SLC23A2: variants seen among roughly 807,000 people sequenced by gnomAD.
The protein encoded by SLC23A2 is solute carrier family 23 member 2, also known as Na(+)/L-ascorbic acid transporter 2.
Under a neutral mutation model 73.3 loss-of-function variants are expected in SLC23A2, and 36 were observed. The ratio of observed to expected loss-of-function variants is 0.49; its 90% CI spans 0.38 to 0.65. The LOEUF (loss-of-function observed/expected upper bound fraction) is 0.65, where lower values mean the gene tolerates loss of function less well. Ranked by LOEUF, SLC23A2 falls within the 30% of genes least tolerant of loss-of-function variation. SLC23A2 has a pLI of 0.00. For synonymous variants in SLC23A2, 343 were observed against 327.3 expected, an observed-to-expected ratio of 1.05 and a Z score of -0.52; for missense variants, 507 against 841.6, an observed-to-expected ratio of 0.60 and a Z score of 4.92.
chr20:4,866,019 G>T (rs1930181487), intron 13 of SLC23A2, among the ~76,000 whole-genome samples: 1 of 152,010 alleles, frequency 6.6e-6, no homozygotes, highest in African/African-American at 2.4e-5. Context: ...TTTTAGTGGA[G>T]ACAGGGGTTC....
intron 1 of SLC23A2, among the ~76,000 whole-genome samples, chr20:4,972,058 C>T (rs1451692132): frequency 6.6e-6 from 1 of 152,092 alleles, no homozygotes; most frequent in Non-Finnish European, 1.5e-5. Context: ...CACTCTTGTA[C>T]CTATGCATAT....
At chr20:4,988,339 C>T (rs765014365) in intron 1 of SLC23A2, among the ~76,000 whole-genome samples, 4 of 136,916 alleles carry the variant, frequency 2.9e-5, no homozygotes, top group Non-Finnish European at 4.6e-5. Flanking sequence ...TGGTGGCTCA[C>T]GCCTGTAATC....
chr20:4,894,588 G>A (rs1293348520), intron 6 of SLC23A2, among the ~76,000 whole-genome samples: 3 of 152,218 alleles, frequency 2.0e-5, no homozygotes. Context: ...TCCCAAGCCA[G>A]CAGGGAGGGG....
chr20:4,854,788 C>T lies in SLC23A2; in HGVS notation c.*2184G>A, dbSNP rs1165263136. On this transcript the variant is annotated 3_prime_UTR_variant, in exon 17 of 17. Coordinates refer to ENST00000338244, the MANE Select transcript of SLC23A2 (RefSeq NM_005116.6). Reference sequence around the variant, plus strand: ...ATGCAGCGGAAGACGCCCAGTCAAGCTGAAGAGAAGGTGCCCCTGGATCAC... The same window carrying T: ...ATGCAGCGGAAGACGCCCAGTCAAGTTGAAGAGAAGGTGCCCCTGGATCAC... 6.6e-6 allele frequency: 1 copy of T among 152,200 alleles called. No individual in the cohort carries two copies. Among genetic ancestry groups the T allele is most frequent in the Non-Finnish European group, 1.5e-5 (1 of 68,038 alleles). 9.4% of individuals were successfully genotyped at this position (152,200 alleles called of 1,614,324 possible). A position where few individuals can be genotyped will look rare whatever the true frequency, so the allele number is the denominator to read the frequency against.
At chr20:4,961,272 G>A (rs565099244) in intron 2 of SLC23A2, among the ~76,000 whole-genome samples, 33 of 151,996 alleles carry the variant, frequency 2.2e-4, no homozygotes, top group South Asian at 1.0e-3. Context: ...TAGTAGAGAC[G>A]GGGTTTCACC....
chr20:4,869,023 G>T (rs1250352297), intron 12 of SLC23A2: 1 of 152,216 alleles, frequency 6.6e-6, no homozygotes, highest in African/African-American at 2.4e-5. Flanking sequence ...CTGCTGCTAA[G>T]GTTTCCACTA....
At position 4,899,539 on chromosome 20, in the gene SLC23A2, A is replaced by G. The variant is rs1465831516; in HGVS notation, c.482+16T>C. 1.9e-6 allele frequency: 3 copies of G among 1,613,550 alleles called. No homozygotes were observed. The highest frequency in any genetic ancestry group is 4.5e-5 in the East Asian group (2 of 44,858). ...TCTGGGGGCTTTGGCATCCCCCATT[A>G]GTACCCCAATCTCACCTGCATCCAA... On this transcript the variant is annotated intron_variant, in intron 6 of 16. Transcript: ENST00000338244. The surrounding 1 kb of genome is among the most constrained non-coding windows in gnomAD (Gnocchi z 4.9).
At chr20:4,874,135 A>G (rs1243543224) in intron 10 of SLC23A2, 43 bp from the exon 11 acceptor site, 1 of 1,585,290 alleles carries the variant, frequency 6.3e-7, no homozygotes, top group South Asian at 1.1e-5. Flanking sequence ...AGCAGGGCTC[A>G]CAGGTGTTGG....
intron 3 of SLC23A2, among the ~76,000 whole-genome samples, chr20:4,920,470 A>G (rs994315302): frequency 2.0e-5 from 3 of 152,194 alleles, no homozygotes; most frequent in African/African-American, 7.2e-5. Flanking sequence ...CTATCCTTCA[A>G]TTACACCTGA....
chr20:4,958,281 C>G (rs1006877825), intron 2 of SLC23A2, among the ~76,000 whole-genome samples: 1 of 152,212 alleles, frequency 6.6e-6, no homozygotes, highest in Non-Finnish European at 1.5e-5. Context: ...AATAAGATTG[C>G]TGCCCTACTC....
rs534101402 is a variant in SLC23A2, at chr20:4,997,052, C to T, written c.-282+4354G>A. ...TTTCTAGGTGCTAAGACCAGAACCT[C>T]GGAGTCCTCCTCAGTTTTCTTTCTG... On this transcript the variant is annotated intron_variant, in intron 1 of 16. Transcript: ENST00000338244. Among the ~76,000 whole-genome samples the T allele has an allele frequency of 2.6e-5, 4 of 152,278 alleles. No individual in the cohort carries two copies. The East Asian group carries it at 5.8e-4, about 22-fold the overall frequency.
chr20:4,860,405 T>A (rs1316133100), intron 15 of SLC23A2, among the ~76,000 whole-genome samples: 1 of 152,222 alleles, frequency 6.6e-6, no homozygotes, highest in Non-Finnish European at 1.5e-5. Context: ...TGTCATACCG[T>A]GTGCTTTCCG....
chr20:4,884,920 T>C, intron 7 of SLC23A2, 97 bp from the exon 8 acceptor site: 1 of 684,630 alleles, frequency 1.5e-6, no homozygotes, highest in Non-Finnish European at 2.4e-6. Flanking sequence ...CCTGTTTTTA[T>C]TACATCTGTT....
chr20:4,910,009 G>A (rs1361913419), intron 4 of SLC23A2, among the ~76,000 whole-genome samples: 1 of 152,220 alleles, frequency 6.6e-6, no homozygotes, highest in African/African-American at 2.4e-5. Flanking sequence ...CACATCCAGT[G>A]CAGGCTCTTT....
intron 2 of SLC23A2, among the ~76,000 whole-genome samples, chr20:4,938,030 C>CTT (rs372042944): frequency 2.2e-4 from 31 of 138,260 alleles, no homozygotes; most frequent in African/African-American, 6.2e-4. Context: ...CTCATTCCAT[C>CTT]TTTTTTTTTT....
intron 2 of SLC23A2, among the ~76,000 whole-genome samples, chr20:4,951,886 T>C (rs894448245): frequency 2.6e-5 from 4 of 151,890 alleles, no homozygotes; most frequent in Non-Finnish European, 5.9e-5. Flanking sequence ...GACGATCACC[T>C]AAGGTCAGGA....
chr20:4,925,559 C>T (rs1932641380), intron 3 of SLC23A2, among the ~76,000 whole-genome samples: 1 of 152,160 alleles, frequency 6.6e-6, no homozygotes, highest in Non-Finnish European at 1.5e-5. Context: ...CAGGTCAGGT[C>T]ACTGTCGGCT....
chr20:4,860,918 A>G (rs1929940795), intron 15 of SLC23A2, among the ~76,000 whole-genome samples: 1 of 152,110 alleles, frequency 6.6e-6, no homozygotes, highest in African/African-American at 2.4e-5. Flanking sequence ...GTGGGTGCCT[A>G]TTATCCCAGC....
Position 4,899,728 on chromosome 20 carries a change from G to C in SLC23A2, c.325-16C>G. 6.2e-7 allele frequency: 1 copy of C among 1,613,268 alleles called. No individual in the cohort carries two copies. Among genetic ancestry groups the C allele is most frequent in the Admixed American group, 1.7e-5 (1 of 60,002 alleles). The stretch of plus-strand genomic sequence containing the variant: ...TCAGGTAGTGCTGTGGGCAGGAAAA[G>C]GGTCAGAGGAGAAACAGTAAACCCT... On this transcript the variant is annotated splice_polypyrimidine_tract_variant and intron_variant, in intron 5 of 16. Coordinates refer to ENST00000338244, the MANE Select transcript of SLC23A2 (RefSeq NM_005116.6). This position sits in a 1 kb window ranked among gnomAD's most constrained non-coding sequence, Gnocchi z 4.9.
Sources: gnomAD v4.1 joint callset for allele counts (sites outside exome capture counted in the v4.1 genomes callset) on GRCh38, gnomAD v4.1.1 for gene constraint, Gnocchi (gnomAD v3.1) non-coding constraint, MANE v1.5 for transcripts, NCBI Gene and HGNC (gene_info 2026-07-23, HGNC 2026-07-21) for gene names.